TCF20: variants seen among roughly 807,000 people sequenced by gnomAD.
TCF20 encodes the protein transcription factor 20.
In TCF20, 3 loss-of-function variants were observed where a neutral mutation model predicts 148.6. The observed-to-expected ratio is 0.02, with a 90% CI of 0.01 to 0.05. The LOEUF (loss-of-function observed/expected upper bound fraction) is 0.05, where lower values mean the gene tolerates loss of function less well. TCF20 is among the 10% of genes least tolerant of loss of function. The pLI is 1.00. For synonymous variants in TCF20, 1,049 were observed against 909.5 expected (o/e 1.15, Z -2.76); for missense variants, 2,350 against 2,429.3 (o/e 0.97, Z 0.69).
At chr22:42,340,891 C>T (rs192309792) in intron 1 of TCF20, among the ~76,000 whole-genome samples, 12 of 138,472 alleles carry the variant, frequency 8.7e-5, no homozygotes, top group Non-Finnish European at 1.4e-4. Context: ...AAGCCCCCCC[C>T]CCCACCCCAA....
chr22:42,304,249 A>G (rs1184908369), intron 1 of TCF20, among the ~76,000 whole-genome samples: 1 of 152,196 alleles, frequency 6.6e-6, no homozygotes, highest in Non-Finnish European at 1.5e-5. Context: ...TGCCCGTTCC[A>G]CGGAAAAGAT....
intron 2 of TCF20, among the ~76,000 whole-genome samples, chr22:42,191,382 C>T (rs997372279): frequency 2.6e-5 from 4 of 152,150 alleles, no homozygotes; most frequent in East Asian, 1.9e-4. Context: ...CTCTACCTCC[C>T]GGGTTCAAGT....
intron 2 of TCF20, among the ~76,000 whole-genome samples, chr22:42,191,396 G>A (rs1345048156): frequency 3.3e-5 from 5 of 152,050 alleles, no homozygotes; most frequent in Non-Finnish European, 7.4e-5. Context: ...TTCAAGTGAT[G>A]CTCCTGCCTT....
In TCF20 at chr22:42,161,246, A is replaced by G; in HGVS notation, c.*157T>C. 3.0e-6 allele frequency: 4 copies of G among 1,355,256 alleles called. No individual in the cohort carries two copies. The highest frequency in any genetic ancestry group is 4.0e-4 in the Middle Eastern group (2 of 5,000). The allele number at this position is 1,355,256 out of a possible 1,614,324, so 84.0% of individuals were successfully genotyped here. ...TGTGAGAACTTAAGGAAGTGCTGGC[A>G]TGGGCAGGCACGCGGGCGGGGCGGG... On this transcript the variant is annotated 3_prime_UTR_variant, in exon 6 of 6. Coordinates refer to ENST00000677622, the MANE Select transcript of TCF20 (RefSeq NM_001378418.1).
chr22:42,325,812 G>A (rs1326614446), intron 1 of TCF20, among the ~76,000 whole-genome samples: 1 of 152,188 alleles, frequency 6.6e-6, no homozygotes, highest in Non-Finnish European at 1.5e-5. Flanking sequence ...CAGCCGACTT[G>A]CCTGGAGCCA....
intron 1 of TCF20, among the ~76,000 whole-genome samples, chr22:42,234,717 C>T (rs1923723324): frequency 6.6e-6 from 1 of 152,096 alleles, no homozygotes; most frequent in Admixed American, 6.6e-5. Context: ...CATCAAAATG[C>T]TAACTCCAAA....
At chr22:42,244,456 G>A (rs1924736785) in intron 1 of TCF20, among the ~76,000 whole-genome samples, 1 of 152,174 alleles carries the variant, frequency 6.6e-6, no homozygotes, top group Non-Finnish European at 1.5e-5. Context: ...ATTCAGCCAT[G>A]AAAAGGAATG....
intron 1 of TCF20, among the ~76,000 whole-genome samples, chr22:42,251,753 T>TA (rs1308677531): frequency 6.6e-6 from 1 of 151,432 alleles, no homozygotes; most frequent in African/African-American, 2.4e-5. Context: ...TCTGCCCACC[T>TA]AGGCCTCTCA....
intron 2 of TCF20, among the ~76,000 whole-genome samples, chr22:42,191,112 A>G (rs1360196488): frequency 6.6e-6 from 1 of 152,200 alleles, no homozygotes; most frequent in Admixed American, 6.5e-5. Flanking sequence ...CCCCTTCTGG[A>G]AAATTAAAGC....
upstream of TCF20, among the ~76,000 whole-genome samples, chr22:42,271,275 G>A (rs973970886): frequency 6.6e-6 from 1 of 152,244 alleles, no homozygotes; most frequent in Non-Finnish European, 1.5e-5. Flanking sequence ...CGCGGAAAAC[G>A]CGAGGAGGGA....
At chr22:42,173,689 G>A (rs141324943) in intron 3 of TCF20, among the ~76,000 whole-genome samples, 105 of 152,228 alleles carry the variant, frequency 6.9e-4, no homozygotes, top group East Asian at 2.7e-3. Flanking sequence ...TAATACAAGC[G>A]TCCATCCCCA....
intron 1 of TCF20, among the ~76,000 whole-genome samples, chr22:42,240,199 T>G (rs1924272329): frequency 6.6e-6 from 1 of 152,236 alleles, no homozygotes; most frequent in Non-Finnish European, 1.5e-5. Context: ...AATAGTCATT[T>G]GCTTGACGTC....
intron 1 of TCF20, chr22:42,270,059 C>G (rs1002655992): frequency 1.3e-5 from 2 of 153,132 alleles, no homozygotes; most frequent in Admixed American, 6.5e-5. Flanking sequence ...GGGCCAGCAC[C>G]GGCACCCAAG....
intron 2 of TCF20, among the ~76,000 whole-genome samples, chr22:42,196,570 A>T (rs2147146045): frequency 6.6e-6 from 1 of 152,314 alleles, no homozygotes; most frequent in Admixed American, 6.5e-5. Flanking sequence ...AAAAAACAAA[A>T]ATAACTTTCA....
At chr22:42,257,457 T>G (rs1468673066) in intron 1 of TCF20, among the ~76,000 whole-genome samples, 1 of 152,156 alleles carries the variant, frequency 6.6e-6, no homozygotes, top group South Asian at 2.1e-4. Flanking sequence ...AATATACAAA[T>G]TTGCGATGAA....
At chr22:42,208,316 A>G (rs1415785903) in intron 2 of TCF20, among the ~76,000 whole-genome samples, 10 of 152,228 alleles carry the variant, frequency 6.6e-5, no homozygotes, top group Admixed American at 6.5e-4. Context: ...AAGAAAAAAA[A>G]TAAGTAAATA....
chr22:42,200,920 A>T (rs914039004), intron 2 of TCF20, among the ~76,000 whole-genome samples: 2 of 152,220 alleles, frequency 1.3e-5, no homozygotes, highest in Non-Finnish European at 2.9e-5. Flanking sequence ...AAATCCTTCA[A>T]ATACAATAGA....
chr22:42,173,454 G>C (rs1052702975), intron 3 of TCF20, among the ~76,000 whole-genome samples: 1 of 152,106 alleles, frequency 6.6e-6, no homozygotes, highest in African/African-American at 2.4e-5. Flanking sequence ...AGTAATAAAA[G>C]TCTTCCCTGA....
chr22:42,227,658 C>T (rs1923036323), intron 1 of TCF20, among the ~76,000 whole-genome samples: 2 of 152,210 alleles, frequency 1.3e-5, no homozygotes, highest in South Asian at 4.1e-4. Flanking sequence ...CAGTGTCAAT[C>T]AATCTGGAAT....
Sources: gnomAD v4.1 joint callset for allele counts (sites outside exome capture counted in the v4.1 genomes callset) on GRCh38, gnomAD v4.1.1 for gene constraint, MANE v1.5 for transcripts, NCBI Gene and HGNC (gene_info 2026-07-23, HGNC 2026-07-21) for gene names.